Variants in TLK2 observed in about 807,000 individuals in gnomAD.
TLK2 encodes the protein tousled like kinase 2.
TLK2 carries 6 observed loss-of-function variants against 117.3 expected under a neutral mutation model. The observed-to-expected ratio is 0.05, with a 90% CI of 0.03 to 0.10. The LOEUF (loss-of-function observed/expected upper bound fraction) is 0.10. Ranked by LOEUF, TLK2 falls within the 10% of genes least tolerant of loss-of-function variation. The pLI is 1.00. For missense variants in TLK2, 299 were observed against 901.2 expected, an observed-to-expected ratio of 0.33 and a Z score of 8.56; for synonymous variants, 257 against 316.7, an observed-to-expected ratio of 0.81 and a Z score of 2.00.
chr17:62,584,107 G>GTTTTTTTTTTTTTTTTTTTTTTTT (rs572000997), intron 15 of TLK2, among the ~76,000 whole-genome samples: 2 of 78,524 alleles, frequency 2.5e-5, no homozygotes, highest in Non-Finnish European at 4.5e-5. Flanking sequence ...TTCTTTTGTG[G>GTTTTTTTTTTTTTTTTTTTTTTTT]TTTTTTTTTT....
At chr17:62,472,057 C>G (rs2070952684) in intron 1 of TLK2, among the ~76,000 whole-genome samples, 1 of 151,434 alleles carries the variant, frequency 6.6e-6, no homozygotes, top group Admixed American at 6.6e-5. Flanking sequence ...AGGCGCCCCC[C>G]CACCATGTCC....
intron 2 of TLK2, among the ~76,000 whole-genome samples, chr17:62,485,207 C>T (rs1598121629): frequency 6.6e-6 from 1 of 152,152 alleles, no homozygotes; most frequent in East Asian, 1.9e-4. Context: ...TGAATTTCTC[C>T]TAACTATTCA....
chr17:62,613,232 A>G lies in TLK2; in HGVS notation c.*667A>G, dbSNP rs1440326428. On this transcript the variant is annotated 3_prime_UTR_variant, in exon 22 of 22. Coordinates refer to ENST00000346027, the MANE Select transcript of TLK2 (RefSeq NM_006852.6). ...TATTAGCAAGTACGTGGCAATGTTC[A>G]TTCCAATCAGATGCAGCTTTCTCCT... is the stretch of plus-strand genomic sequence containing the variant. 1 of 152,636 alleles carries G rather than the reference A, an allele frequency of 6.6e-6. No individual in the cohort carries two copies. Among genetic ancestry groups the G allele is most frequent in the Non-Finnish European group, 1.5e-5 (1 of 68,032 alleles). 9.5% of individuals were successfully genotyped at this position (152,636 alleles called of 1,614,324 possible).
intron 11 of TLK2, among the ~76,000 whole-genome samples, chr17:62,566,470 A>G (rs2079804324): frequency 6.6e-6 from 1 of 152,150 alleles, no homozygotes; most frequent in Non-Finnish European, 1.5e-5. Context: ...TTTTTGCTTC[A>G]TGATTATTCC....
At chr17:62,611,433 T>G (rs1330385244) in intron 21 of TLK2, among the ~76,000 whole-genome samples, 3 of 152,208 alleles carry the variant, frequency 2.0e-5, no homozygotes, top group African/African-American at 7.2e-5. Context: ...TCAACTTTGC[T>G]TTTTAGAGCA....
At chr17:62,576,810 T>A in intron 13 of TLK2, 35 bp downstream of exon 13, 1 of 1,527,418 alleles carries the variant, frequency 6.5e-7, no homozygotes, top group Non-Finnish European at 9.1e-7. Context: ...TGGAGAAATG[T>A]GATACCTAGT....
intron 2 of TLK2, among the ~76,000 whole-genome samples, chr17:62,512,405 T>C (rs2145281551): frequency 6.6e-6 from 1 of 151,986 alleles, no homozygotes; most frequent in Admixed American, 6.6e-5. Flanking sequence ...TATTTTTCAG[T>C]AGAGACGGGG....
intron 11 of TLK2, among the ~76,000 whole-genome samples, chr17:62,567,071 T>C (rs998935845): frequency 6.6e-6 from 1 of 151,984 alleles, no homozygotes; most frequent in African/African-American, 2.4e-5. Context: ...CTACAAAATA[T>C]ACAAAAATTA....
chr17:62,477,711 C>G (rs972535488), upstream of TLK2: 1 of 152,284 alleles, frequency 6.6e-6, no homozygotes, highest in African/African-American at 2.4e-5. Context: ...GGTGGCTGCA[C>G]TGGAGCCTGT....
intron 15 of TLK2, 136 bp from the exon 16 acceptor site, chr17:62,585,999 C>T: frequency 1.7e-6 from 1 of 600,474 alleles, no homozygotes. Context: ...GTGCTTGCAA[C>T]ACTGATATAA....
chr17:62,471,439 C>T (rs539093100), intron 1 of TLK2, among the ~76,000 whole-genome samples: 1 of 152,174 alleles, frequency 6.6e-6, no homozygotes, highest in Non-Finnish European at 1.5e-5. Context: ...AATGCTCAAT[C>T]TAATTAAGGC....
At chr17:62,602,814 C>T (rs1420078186) in intron 19 of TLK2, among the ~76,000 whole-genome samples, 1 of 152,234 alleles carries the variant, frequency 6.6e-6, no homozygotes, top group Non-Finnish European at 1.5e-5. Context: ...GCTTCTATTT[C>T]TGCCTACTAT....
intron 4 of TLK2, among the ~76,000 whole-genome samples, chr17:62,522,650 T>C (rs558601745): frequency 6.6e-6 from 1 of 152,358 alleles, no homozygotes; most frequent in East Asian, 1.9e-4. Context: ...TACTGTCCTT[T>C]CTGCCTACTG....
intron 7 of TLK2, among the ~76,000 whole-genome samples, chr17:62,540,356 C>CT (rs1315088631): frequency 2.4e-5 from 3 of 126,274 alleles, no homozygotes; most frequent in Non-Finnish European, 5.1e-5. Context: ...AAATCCAAAT[C>CT]TATCAGTAAA....
Position 62,614,591 on chromosome 17 carries a change from G to A in TLK2, c.*2026G>A, listed in dbSNP as rs2084004128. 6.6e-6 allele frequency: 1 copy of A among 152,168 alleles called. No individual in the cohort carries two copies. Among genetic ancestry groups the A allele is most frequent in the South Asian group, 2.1e-4 (1 of 4,832 alleles). The allele number at this position is 152,168 out of a possible 1,614,324, so 9.4% of individuals were successfully genotyped here. ...TCAGGCGATCTTAAGGGAAGATGGAGTGTTTCAAATTGGAGAGAAGTTCAT... is the reference window on the plus strand; with the variant it reads ...TCAGGCGATCTTAAGGGAAGATGGAATGTTTCAAATTGGAGAGAAGTTCAT... On this transcript the variant is annotated 3_prime_UTR_variant, in exon 22 of 22. Transcript: ENST00000346027.
chr17:62,511,914 C>T (rs2075172305), intron 2 of TLK2, among the ~76,000 whole-genome samples: 1 of 152,130 alleles, frequency 6.6e-6, no homozygotes, highest in African/African-American at 2.4e-5. Flanking sequence ...TTTTCTTTCT[C>T]TGGAATAAAT....
chr17:62,599,462 C>T (rs2082719217), intron 17 of TLK2, among the ~76,000 whole-genome samples: 1 of 152,158 alleles, frequency 6.6e-6, no homozygotes, highest in African/African-American at 2.4e-5. Flanking sequence ...CCCGTGTAGG[C>T]TGTGTTTATC....
At chr17:62,473,880 G>A (rs1420613252), upstream of TLK2, among the ~76,000 whole-genome samples, 1 of 152,074 alleles carries the variant, frequency 6.6e-6, no homozygotes, top group Non-Finnish European at 1.5e-5. Flanking sequence ...CCATACTAGG[G>A]AGCATAGCCT....
At chr17:62,485,420 G>T (rs1187345567) in intron 2 of TLK2, among the ~76,000 whole-genome samples, 1 of 152,072 alleles carries the variant, frequency 6.6e-6, no homozygotes, top group East Asian at 1.9e-4. Flanking sequence ...AAACAAAATG[G>T]CCAAATCTCC....
Sources: gnomAD v4.1 joint callset for allele counts (sites outside exome capture counted in the v4.1 genomes callset) on GRCh38, gnomAD v4.1.1 for gene constraint, MANE v1.5 for transcripts, NCBI Gene and HGNC (gene_info 2026-07-23, HGNC 2026-07-21) for gene names.